TBC1D10A: variants seen among roughly 807,000 people sequenced by gnomAD.
The protein encoded by TBC1D10A is EBP50-PDX interactor of 64 kDa.
Under a neutral mutation model 52.9 loss-of-function variants are expected in TBC1D10A, and 24 were observed. The ratio of observed to expected loss-of-function variants is 0.45; its 90% CI spans 0.33 to 0.64. The LOEUF (loss-of-function observed/expected upper bound fraction) is 0.64. TBC1D10A is among the 30% of genes least tolerant of loss of function. The probability of loss-of-function intolerance (pLI) is 0.02; values close to 1 mark genes in which losing one functional copy is unlikely to be tolerated. For missense variants in TBC1D10A, 602 were observed against 687.9 expected, an observed-to-expected ratio of 0.88 and a Z score of 1.40; for synonymous variants, 278 against 282.9, an observed-to-expected ratio of 0.98 and a Z score of 0.17.
At position 30,292,450 on chromosome 22, in the gene TBC1D10A, C is replaced by T. The variant is rs1335600890; in HGVS notation, c.1452G>A (p.Leu484=). ...GGTGGTGGGCTGAGACCTGGGGAGC[C>T]AAATCCTGAGGGGCTGAGTCCTTGG... ...SAPKDSAPQD[L]APQVSAHHRS... is the part of the protein sequence containing the mutation. The change falls in exon 9 of 9, where the codon TTG becomes TTA. Residue 484 remains leucine (L), a synonymous_variant. Coordinates refer to ENST00000215790, the MANE Select transcript of TBC1D10A (RefSeq NM_031937.3). The T allele has an allele frequency of 1.9e-6, 3 of 1,602,244 alleles. No individual in the cohort carries two copies. The highest frequency in any genetic ancestry group is 2.2e-5 in the South Asian group (2 of 89,512).
chr22:30,292,851 C>G lies in TBC1D10A; in HGVS notation c.1051G>C (p.Val351Leu). The change falls in exon 9 of 9, where the codon GTG becomes CTG. Residue 351 changes from valine (V) to leucine (L), a missense_variant and splice_region_variant. Around this residue, in one of 3 missense-constraint regions of TBC1D10A, gnomAD observed 265 missense variants for 275.1 expected, o/e 0.96. Coordinates refer to ENST00000215790, the MANE Select transcript of TBC1D10A (RefSeq NM_031937.3). ...IMQEAFLVQE[V>L]VELPVTERQI... is the part of the protein sequence containing the mutation. ...CGCTCTGTCACGGGCAACTCCACCA[C>G]CTGCAGGGGCAGTGACACAGGCAAG... 3 of 1,610,796 alleles carry G rather than the reference C, an allele frequency of 1.9e-6. No homozygotes were observed. The highest frequency in any genetic ancestry group is 2.5e-6 in the Non-Finnish European group (3 of 1,179,860).
chr22:30,322,272 C>T (rs1930669855), intron 1 of TBC1D10A, among the ~76,000 whole-genome samples: 1 of 152,126 alleles, frequency 6.6e-6, no homozygotes, highest in Non-Finnish European at 1.5e-5. Context: ...TGAACCACTG[C>T]ACCCGGCCCT....
chr22:30,310,575 G>A (rs1170412496), intron 1 of TBC1D10A, among the ~76,000 whole-genome samples: 1 of 152,180 alleles, frequency 6.6e-6, no homozygotes, highest in African/African-American at 2.4e-5. Flanking sequence ...TAACCCAGGA[G>A]GAATGCCACC....
At position 30,295,681 on chromosome 22, in the gene TBC1D10A, C is replaced by A. The variant is rs1033573879; in HGVS notation, c.524+56G>T. On this transcript the variant is annotated intron_variant, in intron 4 of 8. Coordinates refer to ENST00000215790, the MANE Select transcript of TBC1D10A (RefSeq NM_031937.3). The stretch of plus-strand genomic sequence containing the variant: ...CTGAACTCACTGTACCTCCTTAGAC[C>A]CCTTAGAGACAGGCCCTAGAGCCAC... 5 of 1,558,972 alleles carry A rather than the reference C, an allele frequency of 3.2e-6. No homozygotes were observed. In the South Asian group the frequency reaches 4.5e-5, roughly 14 times the overall value.
At chr22:30,308,932 G>C (rs903212624) in intron 1 of TBC1D10A, among the ~76,000 whole-genome samples, 1 of 152,172 alleles carries the variant, frequency 6.6e-6, no homozygotes, top group Non-Finnish European at 1.5e-5. Context: ...TGTATGACTT[G>C]GACAAAGTCA....
intron 8 of TBC1D10A, 71 bp downstream of exon 8, chr22:30,293,580 C>T (rs913322639): frequency 3.7e-5 from 58 of 1,552,078 alleles, no homozygotes; most frequent in Admixed American, 1.8e-4. Context: ...TGAGGGTTAG[C>T]GGGACCCCCT....
At chr22:30,326,568 C>A in intron 1 of TBC1D10A, 105 bp downstream of exon 1, 1 of 1,151,192 alleles carries the variant, frequency 8.7e-7, no homozygotes, top group Admixed American at 2.9e-5. Flanking sequence ...TTAGTGGTCC[C>A]TGCCTGGGAG....
chr22:30,318,395 C>T (rs1037631082), intron 1 of TBC1D10A, among the ~76,000 whole-genome samples: 3 of 152,176 alleles, frequency 2.0e-5, no homozygotes, highest in African/African-American at 4.8e-5. Flanking sequence ...AGCTCAACAC[C>T]GCTTATCCTA....
At chr22:30,302,701 A>T (rs909064547) in intron 2 of TBC1D10A, among the ~76,000 whole-genome samples, 1 of 152,168 alleles carries the variant, frequency 6.6e-6, no homozygotes, top group African/African-American at 2.4e-5. Flanking sequence ...CTTCCTCTGG[A>T]GGCCTCAGCT....
At chr22:30,319,358 G>C (rs1232013071) in intron 1 of TBC1D10A, among the ~76,000 whole-genome samples, 1 of 152,222 alleles carries the variant, frequency 6.6e-6, no homozygotes. Context: ...ATAAAACACA[G>C]ACATCTTGTT....
chr22:30,307,332 C>T (rs1930329592), intron 1 of TBC1D10A, among the ~76,000 whole-genome samples: 1 of 152,136 alleles, frequency 6.6e-6, no homozygotes, highest in Non-Finnish European at 1.5e-5. Context: ...TCTCTGAAGC[C>T]AAAAGAGACA....
intron 1 of TBC1D10A, among the ~76,000 whole-genome samples, chr22:30,316,681 T>A (rs1206747891): frequency 6.6e-6 from 1 of 152,040 alleles, no homozygotes; most frequent in East Asian, 1.9e-4. Context: ...CAAAACACTT[T>A]TCATATACTC....
intron 1 of TBC1D10A, among the ~76,000 whole-genome samples, chr22:30,308,617 A>G (rs753308964): frequency 6.6e-6 from 1 of 152,248 alleles, no homozygotes; most frequent in East Asian, 1.9e-4. Context: ...AAATGAGTCA[A>G]GTCATTAAGT....
intron 1 of TBC1D10A, among the ~76,000 whole-genome samples, chr22:30,312,647 A>G (rs1240012400): frequency 6.6e-6 from 1 of 152,136 alleles, no homozygotes; most frequent in African/African-American, 2.4e-5. Context: ...TCCCCTGCAC[A>G]TCCCTTTCTC....
intron 1 of TBC1D10A, among the ~76,000 whole-genome samples, chr22:30,324,726 G>T (rs116142442): frequency 3.3e-5 from 5 of 152,272 alleles, no homozygotes; most frequent in African/African-American, 1.2e-4. Context: ...GCACCTTCAC[G>T]TATCATATAC....
chr22:30,296,374 AG>A (rs1425383018), intron 3 of TBC1D10A: 1 of 153,706 alleles, frequency 6.5e-6, no homozygotes, highest in Non-Finnish European at 1.4e-5. Flanking sequence ...AACTCTGGCT[AG>A]AAAAATGGTG....
intron 3 of TBC1D10A, 54 bp downstream of exon 3, chr22:30,299,390 G>A: frequency 6.4e-7 from 1 of 1,560,964 alleles, no homozygotes; most frequent in South Asian, 1.1e-5. Flanking sequence ...GCCGCCATGG[G>A]GAGGACGCCA....
chr22:30,316,206 C>A (rs1930532688), intron 1 of TBC1D10A, among the ~76,000 whole-genome samples: 2 of 152,174 alleles, frequency 1.3e-5, no homozygotes, highest in South Asian at 4.1e-4. Context: ...AGAAGTCCAG[C>A]CTGGTATGGT....
At chr22:30,320,188 G>T (rs759756771) in intron 1 of TBC1D10A, among the ~76,000 whole-genome samples, 2 of 152,288 alleles carry the variant, frequency 1.3e-5, no homozygotes, top group Non-Finnish European at 2.9e-5. Context: ...GCATGTTGGG[G>T]TCAAGACCAA....
Sources: allele counts gnomAD v4.1 joint callset (sites outside exome capture counted in the v4.1 genomes callset), GRCh38; gene constraint gnomAD v4.1.1; regional missense constraint gnomAD v4.1.1; transcripts MANE v1.5; gene names NCBI Gene and HGNC (gene_info 2026-07-23, HGNC 2026-07-21).